ABCA12: variants seen among roughly 807,000 people sequenced by gnomAD.
ABCA12 encodes glucosylceramide transporter ABCA12.
Under a neutral mutation model 293.5 loss-of-function variants are expected in ABCA12, and 156 were observed. The observed-to-expected ratio is 0.53, with a 90% CI of 0.47 to 0.61. ABCA12 has a LOEUF of 0.61. Ranked by LOEUF, ABCA12 falls within the 20% of genes least tolerant of loss-of-function variation. The probability of loss-of-function intolerance (pLI) is 0.00; values close to 1 mark genes in which losing one functional copy is unlikely to be tolerated. For synonymous variants in ABCA12, 1,063 were observed against 1,108.0 expected (o/e 0.96, Z 0.81); for missense variants, 2,797 against 3,090.2 (o/e 0.91, Z 2.25).
At chr2:215,049,931 A>G (rs1393733417) in intron 5 of ABCA12, 120 bp from the exon 6 acceptor site, 14 of 832,760 alleles carry the variant, frequency 1.7e-5, no homozygotes, top group Non-Finnish European at 2.3e-5. Flanking sequence ...CCTCCATTAT[A>G]GCAGCTATTA....
intron 2 of ABCA12, among the ~76,000 whole-genome samples, chr2:215,107,528 A>G (rs1218944718): frequency 6.6e-6 from 1 of 152,218 alleles, no homozygotes; most frequent in African/African-American, 2.4e-5. Flanking sequence ...TAGTTACCTA[A>G]GCCATTTGTT....
chr2:214,945,168 G>A, intron 48 of ABCA12, 64 bp from the exon 49 acceptor site: 5 of 1,300,644 alleles, frequency 3.8e-6, no homozygotes, highest in Non-Finnish European at 5.4e-6. Flanking sequence ...TTCTTTTCAT[G>A]AATTACTGCA....
intron 1 of ABCA12, among the ~76,000 whole-genome samples, chr2:215,114,749 T>C (rs1238573387): frequency 6.6e-6 from 1 of 152,240 alleles, no homozygotes; most frequent in African/African-American, 2.4e-5. Flanking sequence ...TTATTTTATG[T>C]TTCTCATTTG....
intron 3 of ABCA12, among the ~76,000 whole-genome samples, chr2:215,063,498 G>A (rs928271289): frequency 7.2e-5 from 11 of 151,996 alleles, no homozygotes; most frequent in Admixed American, 6.6e-4. Context: ...TAATGGCTTA[G>A]ATTCCCTATT....
chr2:215,082,105 C>T (rs191352289), intron 2 of ABCA12, among the ~76,000 whole-genome samples: 371 of 131,618 alleles, frequency 2.8e-3, no homozygotes, highest in Non-Finnish European at 4.3e-3. Flanking sequence ...AGTGCAGTGG[C>T]ACGATCTCGG....
At chr2:215,078,453 AAT>A (rs1249047217) in intron 2 of ABCA12, among the ~76,000 whole-genome samples, 1 of 152,194 alleles carries the variant, frequency 6.6e-6, no homozygotes, top group Non-Finnish European at 1.5e-5. Flanking sequence ...AATTCTTGTT[AAT>A]CTTTCACATT....
chr2:214,963,434 A>G (rs1010275796), intron 39 of ABCA12, among the ~76,000 whole-genome samples: 3 of 151,934 alleles, frequency 2.0e-5, no homozygotes, highest in African/African-American at 4.8e-5. Context: ...AAACTTACCA[A>G]CCAAAAAGAG....
At chr2:215,003,905 T>C (rs913215556) in intron 20 of ABCA12, among the ~76,000 whole-genome samples, 8 of 152,116 alleles carry the variant, frequency 5.3e-5, no homozygotes, top group African/African-American at 1.7e-4. Flanking sequence ...TGACTTCAAG[T>C]GATCTGCCCG....
At chr2:215,018,840 G>A (rs553521316) in intron 13 of ABCA12, among the ~76,000 whole-genome samples, 66 of 151,900 alleles carry the variant, frequency 4.3e-4, no homozygotes, top group African/African-American at 1.3e-3. Context: ...GTGGCTGCCC[G>A]TTGTCCAAAA....
At chr2:215,093,624 CT>C (rs1313906161) in intron 2 of ABCA12, among the ~76,000 whole-genome samples, 12 of 152,214 alleles carry the variant, frequency 7.9e-5, no homozygotes, top group African/African-American at 2.9e-4. Flanking sequence ...GCTGCCGCTG[CT>C]TTAATACTTT....
At position 214,997,705 on chromosome 2, in the gene ABCA12, C is replaced by T. The variant is rs749885453; in HGVS notation, c.3284G>A (p.Arg1095Gln). ...VKKLVYEKDL[R>Q]LHEYMKMMGV... ...TGATTTTCAACATACCTCATGAAGCCGGAGGTCTTTCTCATAGACAAGCTT... is the reference window on the plus strand; with the variant it reads ...TGATTTTCAACATACCTCATGAAGCTGGAGGTCTTTCTCATAGACAAGCTT... Residue 1095 changes from arginine (R) to glutamine (Q), a missense_variant, in exon 23 of 53, where the codon CGG becomes CAG. Arg to Gln is a conservative substitution (Grantham distance 43). Transcript: ENST00000272895. 9.3e-6 allele frequency: 15 copies of T among 1,605,626 alleles called. No homozygotes were observed. The highest frequency in any genetic ancestry group is 8.5e-6 in the Non-Finnish European group (10 of 1,172,744).
intron 2 of ABCA12, among the ~76,000 whole-genome samples, chr2:215,104,389 G>T (rs1364165581): frequency 6.6e-6 from 1 of 152,194 alleles, no homozygotes; most frequent in Non-Finnish European, 1.5e-5. Flanking sequence ...CTGGCATTAG[G>T]GTGTGCCCAT....
At chr2:215,121,964 T>C (rs1245450306) in intron 1 of ABCA12, among the ~76,000 whole-genome samples, 2 of 152,188 alleles carry the variant, frequency 1.3e-5, no homozygotes, top group South Asian at 2.1e-4. Flanking sequence ...ATGTCTTTAT[T>C]AGCAGCATGA....
chr2:215,118,245 T>C (rs896224646), intron 1 of ABCA12, among the ~76,000 whole-genome samples: 10 of 151,952 alleles, frequency 6.6e-5, no homozygotes, highest in Admixed American at 3.3e-4. Context: ...CTACTAAAAA[T>C]ACAAAAATTA....
intron 32 of ABCA12, 27 bp from the exon 33 acceptor site, chr2:214,978,493 T>C (rs1342372728): frequency 1.9e-6 from 3 of 1,609,872 alleles, no homozygotes; most frequent in East Asian, 2.2e-5. Context: ...GATCACTTCA[T>C]TAACATGAAA....
At chr2:214,975,395 G>A (rs1481813259) in intron 34 of ABCA12, among the ~76,000 whole-genome samples, 1 of 152,162 alleles carries the variant, frequency 6.6e-6, no homozygotes, top group East Asian at 1.9e-4. Context: ...ACATGCATCA[G>A]TGATCACCTA....
chr2:214,983,913 T>G (rs1429792731), intron 28 of ABCA12, 48 bp from the exon 29 acceptor site: 8 of 1,542,270 alleles, frequency 5.2e-6, no homozygotes, highest in Admixed American at 5.2e-5. Context: ...GCATTGAAGC[T>G]AGATATTAGG....
chr2:214,962,852 A>G (rs1407198315), intron 39 of ABCA12: 1 of 152,190 alleles, frequency 6.6e-6, no homozygotes, highest in East Asian at 1.9e-4. Context: ...GCAGAAATCA[A>G]GAAGTTCTTT....
chr2:215,092,057 G>A (rs1702158992), intron 2 of ABCA12, among the ~76,000 whole-genome samples: 1 of 152,244 alleles, frequency 6.6e-6, no homozygotes, highest in South Asian at 2.1e-4. Flanking sequence ...CAGATTAGCA[G>A]CTGAAGATTG....
Sources: allele counts gnomAD v4.1 joint callset (sites outside exome capture counted in the v4.1 genomes callset), GRCh38; gene constraint gnomAD v4.1.1; transcripts MANE v1.5; gene names NCBI Gene and HGNC (gene_info 2026-07-23, HGNC 2026-07-21).